Variants in KCNH7 observed in about 807,000 individuals in gnomAD.
KCNH7 encodes voltage-gated inwardly rectifying potassium channel KCNH7.
A neutral mutation model predicts 120.8 loss-of-function variants in KCNH7; 49 were observed. The ratio of observed to expected loss-of-function variants is 0.41; its 90% CI spans 0.32 to 0.51. KCNH7 has a LOEUF of 0.51. Among genes scored for constraint, KCNH7 ranks in the 20% least tolerant of loss-of-function variants. The pLI, the probability that KCNH7 is intolerant of heterozygous loss-of-function variation, is 0.38. For synonymous variants in KCNH7, 547 were observed against 516.1 expected (o/e 1.06, Z -0.81); for missense variants, 1,097 against 1,446.6 (o/e 0.76, Z 3.92).
chr2:162,615,797 A>T (rs1397844340), intron 2 of KCNH7, among the ~76,000 whole-genome samples: 1 of 152,188 alleles, frequency 6.6e-6, no homozygotes, highest in Non-Finnish European at 1.5e-5. Flanking sequence ...GCTCTGGGAC[A>T]GTGTTTATGA....
rs539525332 is a variant in KCNH7, at chr2:162,806,146, T to G, written c.307+30391A>C. Among the ~76,000 whole-genome samples, 203 of 152,206 alleles carry G rather than the reference T, an allele frequency of 1.3e-3. 2 individuals carry two copies. The highest frequency in any genetic ancestry group is 4.4e-4 in the Non-Finnish European group (30 of 68,002). ...TATATTGGATACAGTATGCACTACT[T>G]GGGTAATAGGTGCACTAAAATCTCA... is the stretch of plus-strand genomic sequence containing the variant. On this transcript the variant is annotated intron_variant, in intron 2 of 15. Transcript: ENST00000332142.
chr2:162,477,431 A>T (rs904482727), intron 6 of KCNH7, among the ~76,000 whole-genome samples: 22 of 152,324 alleles, frequency 1.4e-4, no homozygotes, highest in African/African-American at 5.3e-4. Flanking sequence ...GTTCTTAGGC[A>T]AGCCTGCTTG....
At chr2:162,410,238 T>C (rs1687345124) in intron 9 of KCNH7, among the ~76,000 whole-genome samples, 1 of 151,734 alleles carries the variant, frequency 6.6e-6, no homozygotes, top group African/African-American at 2.4e-5. Flanking sequence ...AAACATAGAC[T>C]AATGGAATAG....
intron 2 of KCNH7, among the ~76,000 whole-genome samples, chr2:162,576,714 T>C (rs1375377873): frequency 6.6e-6 from 1 of 151,974 alleles, no homozygotes; most frequent in Non-Finnish European, 1.5e-5. Flanking sequence ...AACATACACT[T>C]TTAGAGCTAG....
In KCNH7 at chr2:162,537,179, C is replaced by T. The variant is rs181490551; in HGVS notation, c.308-99G>A. On this transcript the variant is annotated intron_variant, in intron 2 of 15. Coordinates refer to ENST00000332142, the MANE Select transcript of KCNH7 (RefSeq NM_033272.4). ...AATATACTCTTAAGGAAATTTGTAT[C>T]TTAAATGATCACTGATATTAAAAAA... is the stretch of plus-strand genomic sequence containing the variant. 1.6e-4 allele frequency: 131 copies of T among 837,162 alleles called. No homozygotes were observed. The East Asian group carries it at 3.4e-3, about 22-fold the overall frequency. 51.9% of individuals were successfully genotyped at this position (837,162 alleles called of 1,614,324 possible).
At chr2:162,654,698 C>T (rs1367311742) in intron 2 of KCNH7, among the ~76,000 whole-genome samples, 2 of 152,070 alleles carry the variant, frequency 1.3e-5, no homozygotes, top group East Asian at 1.9e-4. Context: ...TCTGCACTCC[C>T]TTGGTCACTG....
Position 162,821,166 on chromosome 2 carries a change from C to G in KCNH7, c.307+15371G>C, listed in dbSNP as rs1015200571. 5.3e-5 allele frequency among the ~76,000 whole-genome samples: 8 copies of G among 152,296 alleles called. No homozygotes were observed. The East Asian group carries it at 1.5e-3, about 29-fold the overall frequency. ...ATCCACACCCACACTTTAACAGATT[C>G]CAAGATAAACATCCTTTACAAAGTC... On this transcript the variant is annotated intron_variant, in intron 2 of 15. Coordinates refer to ENST00000332142, the MANE Select transcript of KCNH7 (RefSeq NM_033272.4).
intron 2 of KCNH7, among the ~76,000 whole-genome samples, chr2:162,694,795 G>A (rs1400942085): frequency 1.3e-5 from 2 of 151,696 alleles, no homozygotes; most frequent in South Asian, 2.1e-4. Flanking sequence ...CCAGGCTGGA[G>A]TGCAGTGGCG....
Position 162,692,274 on chromosome 2 carries a change from C to T in KCNH7, c.307+144263G>A, listed in dbSNP as rs186173638. 8.6e-4 allele frequency among the ~76,000 whole-genome samples: 131 copies of T among 151,972 alleles called. 1 individual carries two copies. Among genetic ancestry groups the T allele is most frequent in the African/African-American group, 2.9e-3 (120 of 41,474 alleles). On this transcript the variant is annotated intron_variant, in intron 2 of 15. Coordinates refer to ENST00000332142, the MANE Select transcript of KCNH7 (RefSeq NM_033272.4). ...CCAAGTAGCTAGGACAATAGGCACA[C>T]GCCACCACACATGGCTAACTTTTTG...
At chr2:162,800,554 A>G (rs1372757006) in intron 2 of KCNH7, among the ~76,000 whole-genome samples, 1 of 151,818 alleles carries the variant, frequency 6.6e-6, no homozygotes, top group Non-Finnish European at 1.5e-5. Flanking sequence ...GGGTCCTTTG[A>G]AGTGTTTAGC....
chr2:162,783,956 T>C (rs1330716522), intron 2 of KCNH7, among the ~76,000 whole-genome samples: 1 of 152,210 alleles, frequency 6.6e-6, no homozygotes, highest in African/African-American at 2.4e-5. Context: ...GAGTCCACTC[T>C]AGTTGCAGTT....
chr2:162,754,057 T>C (rs969157739), intron 2 of KCNH7, among the ~76,000 whole-genome samples: 1 of 152,146 alleles, frequency 6.6e-6, no homozygotes, highest in Non-Finnish European at 1.5e-5. Context: ...AAGAGAATAA[T>C]ATAGTTTATT....
intron 2 of KCNH7, among the ~76,000 whole-genome samples, chr2:162,566,541 T>A (rs1308318172): frequency 6.6e-6 from 1 of 152,050 alleles, no homozygotes. Flanking sequence ...AAATAAAAGA[T>A]AGTCAATTTA....
intron 2 of KCNH7, among the ~76,000 whole-genome samples, chr2:162,587,916 C>T (rs1465063543): frequency 2.0e-5 from 3 of 152,028 alleles, no homozygotes; most frequent in Non-Finnish European, 4.4e-5. Context: ...AGCTAACAGC[C>T]GACATACCTA....
At chr2:162,564,382 G>C (rs1693175056) in intron 2 of KCNH7, among the ~76,000 whole-genome samples, 1 of 152,142 alleles carries the variant, frequency 6.6e-6, no homozygotes, top group South Asian at 2.1e-4. Flanking sequence ...CGTAGACCTT[G>C]AAAGGGAATG....
intron 2 of KCNH7, among the ~76,000 whole-genome samples, chr2:162,559,817 G>A (rs1692999567): frequency 6.6e-6 from 1 of 152,186 alleles, no homozygotes; most frequent in Admixed American, 6.5e-5. Flanking sequence ...GAAAGAGAGA[G>A]GAGGTGGCTG....
At chr2:162,792,187 A>G (rs1224192760) in intron 2 of KCNH7, among the ~76,000 whole-genome samples, 1 of 152,078 alleles carries the variant, frequency 6.6e-6, no homozygotes, top group East Asian at 1.9e-4. Context: ...TTGGTTTGCC[A>G]GTATTTTGTT....
chr2:162,617,698 T>G lies in KCNH7; in HGVS notation c.308-80618A>C, dbSNP rs553490408. 5.9e-5 allele frequency among the ~76,000 whole-genome samples: 9 copies of G among 152,234 alleles called. No homozygotes were observed. The South Asian group carries it at 1.9e-3, about 32-fold the overall frequency. The stretch of plus-strand genomic sequence containing the variant: ...AGAAAAATTGTCTGGCAACCGATAT[T>G]AGTGTAACGTTTCTAAGGGATTAAA... On this transcript the variant is annotated intron_variant, in intron 2 of 15. Coordinates refer to ENST00000332142, the MANE Select transcript of KCNH7 (RefSeq NM_033272.4).
At chr2:162,504,030 G>A (rs1420408766) in intron 6 of KCNH7, among the ~76,000 whole-genome samples, 2 of 151,900 alleles carry the variant, frequency 1.3e-5, no homozygotes, top group Non-Finnish European at 2.9e-5. Flanking sequence ...ACTCTATTTA[G>A]TAGAGTAAGT....
Sources: gnomAD v4.1 joint callset for allele counts (sites outside exome capture counted in the v4.1 genomes callset) on GRCh38, gnomAD v4.1.1 for gene constraint, MANE v1.5 for transcripts, NCBI Gene and HGNC (gene_info 2026-07-23, HGNC 2026-07-21) for gene names.